Variants in CYB5R4 observed in about 807,000 individuals in gnomAD.
The protein encoded by CYB5R4 is N-terminal cytochrome b5 and cytochrome b5 oxidoreductase domain-containing protein.
In CYB5R4, 55 loss-of-function variants were observed where a neutral mutation model predicts 70.2. That is an observed-to-expected ratio of 0.78 (90% CI 0.63 to 0.98). CYB5R4 has a LOEUF of 0.98. CYB5R4 is among the 50% of genes least tolerant of loss of function. The pLI is 0.00. For synonymous variants in CYB5R4, 197 were observed against 199.5 expected, an observed-to-expected ratio of 0.99 and a Z score of 0.11; for missense variants, 562 against 612.6, an observed-to-expected ratio of 0.92 and a Z score of 0.87.
intron 7 of CYB5R4, among the ~76,000 whole-genome samples, chr6:83,920,256 C>T (rs1462547355): frequency 6.6e-6 from 1 of 152,162 alleles, no homozygotes; most frequent in Non-Finnish European, 1.5e-5. Context: ...ATTTATGCTA[C>T]TTCTATAGTA....
chr6:83,892,093 A>T (rs551329432), intron 2 of CYB5R4, among the ~76,000 whole-genome samples: 1 of 152,282 alleles, frequency 6.6e-6, no homozygotes, highest in Non-Finnish European at 1.5e-5. Flanking sequence ...CAATGGGAAA[A>T]AATTCTTCTA....
chr6:83,902,072 T>A lies in CYB5R4; in HGVS notation c.331-6937T>A, dbSNP rs569507152. ...TTTTGTGTTGTCTGTGCTTTTGAGG[T>A]CTTAACCATAAAATCTTTGCTTAGA... On this transcript the variant is annotated intron_variant, in intron 3 of 15. Transcript: ENST00000369681. 7.7e-4 allele frequency among the ~76,000 whole-genome samples: 117 copies of A among 152,308 alleles called. 2 individuals carry two copies. The highest frequency in any genetic ancestry group is 1.2e-4 in the Non-Finnish European group (8 of 68,018).
chr6:83,886,062 T>C (rs1158572587), intron 2 of CYB5R4, among the ~76,000 whole-genome samples: 2 of 152,322 alleles, frequency 1.3e-5, no homozygotes, highest in Admixed American at 6.5e-5. Context: ...CTTACAGTTA[T>C]AGAGGCTGAG....
At chr6:83,898,726 A>T (rs566397075) in intron 3 of CYB5R4, among the ~76,000 whole-genome samples, 20 of 152,144 alleles carry the variant, frequency 1.3e-4, no homozygotes, top group Non-Finnish European at 2.9e-4. Context: ...CTTTGAAGCA[A>T]TTGTGAATGG....
intron 2 of CYB5R4, among the ~76,000 whole-genome samples, chr6:83,879,011 A>C (rs1417109877): frequency 2.6e-5 from 4 of 151,996 alleles, no homozygotes; most frequent in Non-Finnish European, 5.9e-5. Context: ...CAGTGCTGTT[A>C]CTTATTACTT....
At chr6:83,860,764 A>T (rs2099455806) in intron 1 of CYB5R4, among the ~76,000 whole-genome samples, 1 of 152,182 alleles carries the variant, frequency 6.6e-6, no homozygotes, top group Admixed American at 6.5e-5. Flanking sequence ...GTTCAGAATG[A>T]ATATAGGTTC....
chr6:83,946,022 G>A (rs2099470556), intron 14 of CYB5R4, among the ~76,000 whole-genome samples: 1 of 152,138 alleles, frequency 6.6e-6, no homozygotes, highest in Admixed American at 6.6e-5. Flanking sequence ...CATTCCTTCT[G>A]AAACTATTCC....
Position 83,964,273 on chromosome 6 carries a change from T to C in CYB5R4, c.*4395T>C, listed in dbSNP as rs1192509400. The C allele has an allele frequency of 6.5e-6, 1 of 153,154 alleles. No homozygotes were observed. The highest frequency in any genetic ancestry group is 1.5e-5 in the Non-Finnish European group (1 of 68,858). The allele number at this position is 153,154 out of a possible 1,614,324, so 9.5% of individuals were successfully genotyped here. A position where few individuals can be genotyped will look rare whatever the true frequency, so the allele number is the denominator to read the frequency against. On this transcript the variant is annotated 3_prime_UTR_variant, in exon 16 of 16. Coordinates refer to ENST00000369681, the MANE Select transcript of CYB5R4 (RefSeq NM_016230.4). ...GAAAGTTTGGAACTTCCTTGAGACT[T>C]GTTGAATGGCTTTGACAAAAATACT...
In CYB5R4 at chr6:83,861,495, G is replaced by A. The variant is rs1312073422; in HGVS notation, c.75+1638G>A. The stretch of plus-strand genomic sequence containing the variant: ...ATAATATTGATGAGAAAAAAAATTC[G>A]TTTTGGCCAGGGCCACTGTCTTTGG... On this transcript the variant is annotated intron_variant, in intron 1 of 15. Coordinates refer to ENST00000369681, the MANE Select transcript of CYB5R4 (RefSeq NM_016230.4). Among the ~76,000 whole-genome samples, 8 of 152,332 alleles carry A rather than the reference G, an allele frequency of 5.3e-5. No individual in the cohort carries two copies. In the South Asian group the frequency reaches 1.7e-3, roughly 32 times the overall value.
chr6:83,906,302 C>G lies in CYB5R4; in HGVS notation c.331-2707C>G, dbSNP rs553817623. Among the ~76,000 whole-genome samples, 3 of 152,314 alleles carry G rather than the reference C, an allele frequency of 2.0e-5. No homozygotes were observed. In the South Asian group the frequency reaches 6.2e-4, roughly 32 times the overall value. ...AACTCCTGGGGCAGTAGCCATGCTT[C>G]TCTTGCACTTCAGTCTGGGTTCTGC... is the stretch of plus-strand genomic sequence containing the variant. On this transcript the variant is annotated intron_variant, in intron 3 of 15. Coordinates refer to ENST00000369681, the MANE Select transcript of CYB5R4 (RefSeq NM_016230.4).
intron 2 of CYB5R4, among the ~76,000 whole-genome samples, chr6:83,879,930 C>T (rs2099459193): frequency 6.6e-6 from 1 of 152,066 alleles, no homozygotes; most frequent in South Asian, 2.1e-4. Context: ...TCATGTGGTT[C>T]ATCTCCTCAG....
intron 10 of CYB5R4, among the ~76,000 whole-genome samples, chr6:83,934,241 TAAAA>T (rs371624011): frequency 7.5e-6 from 1 of 133,534 alleles, no homozygotes; most frequent in Non-Finnish European, 1.6e-5. Context: ...AAAAAAAAAT[TAAAA>T]AAAAAAAAAA....
intron 2 of CYB5R4, among the ~76,000 whole-genome samples, chr6:83,887,232 T>C (rs1205747656): frequency 6.6e-6 from 1 of 152,184 alleles, no homozygotes; most frequent in Non-Finnish European, 1.5e-5. Context: ...AGATGCTGGA[T>C]GATGCTTTGT....
intron 12 of CYB5R4, among the ~76,000 whole-genome samples, chr6:83,937,797 G>A (rs958216281): frequency 2.6e-5 from 4 of 152,224 alleles, no homozygotes; most frequent in African/African-American, 7.2e-5. Flanking sequence ...GGGATCACAG[G>A]TGTGAGCCAC....
chr6:83,907,476 CTT>C (rs57474226), intron 3 of CYB5R4, among the ~76,000 whole-genome samples: 4,212 of 145,012 alleles, frequency 0.029, 177 homozygotes, highest in African/African-American at 0.098. Context: ...TTTTTTTGTT[CTT>C]TTTTTTTTTA....
rs192751758 is a variant in CYB5R4, at chr6:83,870,694, T to C, written c.229+6366T>C. 5.0e-3 allele frequency among the ~76,000 whole-genome samples: 754 copies of C among 152,194 alleles called. 8 individuals are homozygous for C. The highest frequency in any genetic ancestry group is 8.5e-3 in the Non-Finnish European group (578 of 68,008). The stretch of plus-strand genomic sequence containing the variant: ...TTACTTTGTGTACTATCATCATTAC[T>C]TTCTTGGCAGATTTTTGAACAACTC... On this transcript the variant is annotated intron_variant, in intron 2 of 15. Coordinates refer to ENST00000369681, the MANE Select transcript of CYB5R4 (RefSeq NM_016230.4).
In CYB5R4 at chr6:83,921,165, T is replaced by TA. The variant is rs754219071; in HGVS notation, c.649dup (p.Ile217AsnfsTer8). 1.3e-6 allele frequency: 2 copies of TA among 1,503,098 alleles called. No homozygotes were observed. The highest frequency in any genetic ancestry group is 1.4e-5 in the African/African-American group (1 of 70,898). 93.1% of individuals were successfully genotyped at this position (1,503,098 alleles called of 1,614,324 possible). ...CAATTATTAAGGATTGTTTATATCT[T>TA]ATACATATTGGTGAGTACTTTATTA... is the stretch of plus-strand genomic sequence containing the variant. On this transcript the variant is annotated frameshift_variant, in exon 8 of 16. Coordinates refer to ENST00000369681, the MANE Select transcript of CYB5R4 (RefSeq NM_016230.4). LOFTEE classifies it high-confidence loss of function.
At chr6:83,863,767 A>G (rs1307612231) in intron 1 of CYB5R4, among the ~76,000 whole-genome samples, 1 of 152,244 alleles carries the variant, frequency 6.6e-6, no homozygotes, top group African/African-American at 2.4e-5. Flanking sequence ...AAACAATGCA[A>G]TACAACAACC....
At chr6:83,929,073 G>C (rs2099467758) in intron 10 of CYB5R4, among the ~76,000 whole-genome samples, 1 of 152,110 alleles carries the variant, frequency 6.6e-6, no homozygotes, top group African/African-American at 2.4e-5. Flanking sequence ...AAAATGACTT[G>C]GAGTTTAGGA....
Sources: gnomAD v4.1 joint callset for allele counts (sites outside exome capture counted in the v4.1 genomes callset) on GRCh38, gnomAD v4.1.1 for gene constraint, MANE v1.5 for transcripts, NCBI Gene and HGNC (gene_info 2026-07-23, HGNC 2026-07-21) for gene names.